Variants in MCAM observed in about 807,000 individuals in gnomAD.
MCAM encodes the protein cell surface glycoprotein MUC18.
Under a neutral mutation model 79.1 loss-of-function variants are expected in MCAM, and 55 were observed. The observed-to-expected ratio is 0.70, with a 90% CI of 0.56 to 0.87. MCAM has a LOEUF of 0.87. MCAM is among the 40% of genes least tolerant of loss of function. The probability of loss-of-function intolerance (pLI) is 0.00; values close to 1 mark genes in which losing one functional copy is unlikely to be tolerated. For missense variants in MCAM, 745 were observed against 839.8 expected (o/e 0.89, Z 1.40); for synonymous variants, 330 against 339.8 (o/e 0.97, Z 0.32).
intron 5 of MCAM, chr11:119,313,990 C>G (rs1950273502): frequency 1.0e-6 from 1 of 976,708 alleles, no homozygotes; most frequent in Non-Finnish European, 1.2e-6. Flanking sequence ...AAGAACACAC[C>G]CTGATAGCAG....
chr11:119,312,672 C>G lies in MCAM; in HGVS notation c.740-24G>C. 6.2e-7 allele frequency: 1 copy of G among 1,613,922 alleles called. No individual in the cohort carries two copies. The highest frequency in any genetic ancestry group is 8.5e-7 in the Non-Finnish European group (1 of 1,180,030). On this transcript the variant is annotated intron_variant, in intron 6 of 15. Coordinates refer to ENST00000264036, the MANE Select transcript of MCAM (RefSeq NM_006500.3). This position sits in a 1 kb window ranked among gnomAD's most constrained non-coding sequence, Gnocchi z 4.9. ...GTCTGCATAGGCAAAGGGGGTAGCT[C>G]TTGGCCCATGAGTCAACCCTGGGCT... is the stretch of plus-strand genomic sequence containing the variant.
rs761854688 is a variant in MCAM, at chr11:119,312,236, T to G, written c.1024+30A>C. ...CCAGTTCCCTATTGCCCCAGCCTGG[T>G]CCCCCTGTCCTGGGTCCCCAGCCCC... On this transcript the variant is annotated intron_variant, in intron 8 of 15. Transcript: ENST00000264036. The surrounding 1 kb of genome is among the most constrained non-coding windows in gnomAD (Gnocchi z 4.9). The G allele has an allele frequency of 6.2e-7, 1 of 1,612,764 alleles. No individual in the cohort carries two copies. Among genetic ancestry groups the G allele is most frequent in the Non-Finnish European group, 8.5e-7 (1 of 1,179,140 alleles).
Position 119,314,470 on chromosome 11 carries a change from G to A in MCAM, c.559+19C>T. ...CACACCTGGCCCAAGGGTGGCTTTT[G>A]GGAGAAAGGGCTACTCACGGTTCTT... On this transcript the variant is annotated intron_variant, in intron 5 of 15. Transcript: ENST00000264036. 1 of 1,609,810 alleles carries A rather than the reference G, an allele frequency of 6.2e-7. No individual in the cohort carries two copies. The highest frequency in any genetic ancestry group is 8.5e-7 in the Non-Finnish European group (1 of 1,176,538).
intron 13 of MCAM, 22 bp from the exon 14 acceptor site, chr11:119,310,925 C>T (rs371245535): frequency 1.5e-5 from 25 of 1,614,022 alleles, no homozygotes; most frequent in Admixed American, 8.3e-5. Context: ...AGACACTCCT[C>T]GTCACTCCCT....
Position 119,317,087 on chromosome 11 carries a change from C to T in MCAM, c.15G>A (p.Arg5=). The change falls in exon 1 of 16, where the codon AGG becomes AGA. Residue 5 remains arginine (R), a synonymous_variant. Transcript: ENST00000264036. This position sits in a 1 kb window ranked among gnomAD's most constrained non-coding sequence, Gnocchi z 6.2. ...CGGCGAGCAAGAAGGCGCAGACCAG[C>T]CTGGGAAGCCCCATGCTTCCCGGCC... is the stretch of plus-strand genomic sequence containing the variant. MGLP[R]LVCAFLLAAC... 3 of 1,531,288 alleles carry T rather than the reference C, an allele frequency of 2.0e-6. No homozygotes were observed. Among genetic ancestry groups the T allele is most frequent in the Non-Finnish European group, 2.6e-6 (3 of 1,142,994 alleles). The allele number at this position is 1,531,288 out of a possible 1,614,324, so 94.9% of individuals were successfully genotyped here.
rs1433373852 is a variant in MCAM at position 119,311,622 on chromosome 11, T to G, written c.1315A>C (p.Lys439Gln). Reference protein sequence around the residue: ...GPPWMAFKERKVWVKENMVLN... With the variant: ...GPPWMAFKERQVWVKENMVLN... ...ACCATATTCTCTTTCACCCACACCT[T>G]CCTCTCCTTGAATGCCATCCAAGGG... The change falls in exon 11 of 16, where the codon AAG becomes CAG. Residue 439 changes from lysine (K) to glutamine (Q), a missense_variant. Lys to Gln is a moderately conservative substitution (Grantham distance 53). Coordinates refer to ENST00000264036, the MANE Select transcript of MCAM (RefSeq NM_006500.3). The surrounding 1 kb of genome is among the most constrained non-coding windows in gnomAD (Gnocchi z 4.4). 10 of 1,613,956 alleles carry G rather than the reference T, an allele frequency of 6.2e-6. No individual in the cohort carries two copies. The African/African-American group carries it at 1.3e-4, about 22-fold the overall frequency.
At position 119,314,888 on chromosome 11, in the gene MCAM, C is replaced by G. The variant is rs1950287770; in HGVS notation, c.345G>C (p.Leu115Phe). The G allele has an allele frequency of 6.2e-7, 1 of 1,613,524 alleles. No individual in the cohort carries two copies. The change falls in exon 3 of 16, where the codon TTG (leucine) becomes TTC (phenylalanine). Residue 115 changes from leucine to phenylalanine, a missense_variant. Physicochemically the swap from Leu to Phe is conservative, Grantham distance 22. Transcript: ENST00000264036. ...GGGACCGAGGGCGCTTGCCCTGGCA[C>G]AAGAAGATGCGCTCGTCTTGGGGGG... ...QVTPQDERIF[L>F]CQGKRPRSQE...
chr11:119,313,735 G>A (rs1950269172), intron 5 of MCAM: 1 of 194,512 alleles, frequency 5.1e-6, no homozygotes. Context: ...TTTATTGTGG[G>A]GGCTGTCCTG....
In MCAM at chr11:119,312,105, T is replaced by C; in HGVS notation, c.1090A>G (p.Thr364Ala). ...TCCTGGCTACTCTCTGCCTCACAGG[T>C]CAGGGTGAGGCTGCTGCCTTCCTGT... is the stretch of plus-strand genomic sequence containing the variant. ...ERQEGSSLTL[T>A]CEAESSQDLE... The change falls in exon 9 of 16, where the codon ACC becomes GCC. Residue 364 changes from threonine to alanine, a missense_variant. Thr to Ala is a moderately conservative substitution (Grantham distance 58). Coordinates refer to ENST00000264036, the MANE Select transcript of MCAM (RefSeq NM_006500.3). The surrounding 1 kb of genome is among the most constrained non-coding windows in gnomAD (Gnocchi z 4.9). The C allele has an allele frequency of 6.2e-7, 1 of 1,612,660 alleles. No homozygotes were observed. Among genetic ancestry groups the C allele is most frequent in the Non-Finnish European group, 8.5e-7 (1 of 1,179,556 alleles).
rs1250487562 is a variant in MCAM at position 119,315,366 on chromosome 11, G to A, written c.68-103C>T. On this transcript the variant is annotated intron_variant, in intron 1 of 15. Coordinates refer to ENST00000264036, the MANE Select transcript of MCAM (RefSeq NM_006500.3). This position sits in a 1 kb window ranked among gnomAD's most constrained non-coding sequence, Gnocchi z 4.4. ...AGCTGTTTTTCCTGCCACTCAGAGG[G>A]TCTGCAGAGGGCCCTGTCCTCTGAA... The A allele has an allele frequency of 1.4e-6, 2 of 1,418,664 alleles. No homozygotes were observed. The highest frequency in any genetic ancestry group is 1.9e-6 in the Non-Finnish European group (2 of 1,054,890). The allele number at this position is 1,418,664 out of a possible 1,614,324, so 87.9% of individuals were successfully genotyped here.
Position 119,312,728 on chromosome 11 carries a change from C to T in MCAM, c.739+42G>A, listed in dbSNP as rs765344785. The T allele has an allele frequency of 6.2e-7, 1 of 1,612,740 alleles. No homozygotes were observed. Among genetic ancestry groups the T allele is most frequent in the Non-Finnish European group, 8.5e-7 (1 of 1,179,096 alleles). On this transcript the variant is annotated intron_variant, in intron 6 of 15. Coordinates refer to ENST00000264036, the MANE Select transcript of MCAM (RefSeq NM_006500.3). The surrounding 1 kb of genome is among the most constrained non-coding windows in gnomAD (Gnocchi z 4.9). ...AGGGGGAGCCAGCAGGAGTTTCCAGCAGCCCCAGCCCCAGTAAGCAGAGAG... is the reference window on the plus strand; with the variant it reads ...AGGGGGAGCCAGCAGGAGTTTCCAGTAGCCCCAGCCCCAGTAAGCAGAGAG...
In MCAM at chr11:119,312,486, T is replaced by C. The variant is rs969485989; in HGVS notation, c.861+41A>G. The C allele has an allele frequency of 6.2e-7, 1 of 1,613,988 alleles. No individual in the cohort carries two copies. The highest frequency in any genetic ancestry group is 1.1e-5 in the South Asian group (1 of 91,078). ...CCTCCCGCCACTCCACCTGGGTCTC[T>C]GCTTGCATCCCCACCTGCACCCAGC... is the stretch of plus-strand genomic sequence containing the variant. On this transcript the variant is annotated intron_variant, in intron 7 of 15. Coordinates refer to ENST00000264036, the MANE Select transcript of MCAM (RefSeq NM_006500.3). The surrounding 1 kb of genome is among the most constrained non-coding windows in gnomAD (Gnocchi z 4.9).
rs188623296 is a variant in MCAM at position 119,316,412 on chromosome 11, G to A, written c.67+623C>T. On this transcript the variant is annotated intron_variant, in intron 1 of 15. Coordinates refer to ENST00000264036, the MANE Select transcript of MCAM (RefSeq NM_006500.3). This position sits in a 1 kb window ranked among gnomAD's most constrained non-coding sequence, Gnocchi z 4.8. ...AATGTGGTCCCCAAAATAAGCCAGC[G>A]GGCGCTTCCAGTATGGGAATCCTCC... The A allele has an allele frequency of 6.6e-6, 1 of 152,386 alleles. No individual in the cohort carries two copies. Among genetic ancestry groups the A allele is most frequent in the Admixed American group, 6.5e-5 (1 of 15,306 alleles). The allele number at this position is 152,386 out of a possible 1,614,324, so 9.4% of individuals were successfully genotyped here. A position where few individuals can be genotyped will look rare whatever the true frequency, so the allele number is the denominator to read the frequency against.
At chr11:119,310,530 G>T in intron 14 of MCAM, 64 bp from the exon 15 acceptor site, 1 of 1,188,238 alleles carries the variant, frequency 8.4e-7, no homozygotes, top group Non-Finnish European at 1.3e-6. Flanking sequence ...AGGGCCCGCT[G>T]TGAAGGATGT....
At position 119,312,648 on chromosome 11, in the gene MCAM, TC is replaced by T. The variant is rs1565281200; in HGVS notation, c.740-1del. 6.2e-7 allele frequency: 1 copy of T among 1,613,940 alleles called. No homozygotes were observed. The highest frequency in any genetic ancestry group is 8.5e-7 in the Non-Finnish European group (1 of 1,180,026). ...TTCCAGCCACACTTTTTCTGTCGGG[TC>T]TGCATAGGCAAAGGGGGTAGCTCTT... is the stretch of plus-strand genomic sequence containing the variant. On this transcript the variant is annotated splice_acceptor_variant, in intron 6 of 15. Transcript: ENST00000264036. LOFTEE classifies it high-confidence loss of function. The surrounding 1 kb of genome is among the most constrained non-coding windows in gnomAD (Gnocchi z 4.9).
At chr11:119,310,523 G>T in intron 14 of MCAM, 57 bp from the exon 15 acceptor site, 1 of 1,231,730 alleles carries the variant, frequency 8.1e-7, no homozygotes, top group Non-Finnish European at 1.2e-6. Context: ...GAAGAGAAGG[G>T]CCCGCTGTGA....
In MCAM at chr11:119,317,127, A is replaced by C; in HGVS notation, c.-26T>G. On this transcript the variant is annotated 5_prime_UTR_variant, in exon 1 of 16. Transcript: ENST00000264036. The surrounding 1 kb of genome is among the most constrained non-coding windows in gnomAD (Gnocchi z 6.2). ...GCTTCCCGGCCGGAGGGCGAGAGCC[A>C]AGTGAGCAGCTCGAGGCTGCCGGGG... 2 of 1,510,622 alleles carry C rather than the reference A, an allele frequency of 1.3e-6. No homozygotes were observed. Among genetic ancestry groups the C allele is most frequent in the Non-Finnish European group, 1.8e-6 (2 of 1,132,846 alleles). 93.6% of individuals were successfully genotyped at this position (1,510,622 alleles called of 1,614,324 possible). A position where few individuals can be genotyped will look rare whatever the true frequency, so the allele number is the denominator to read the frequency against.
intron 3 of MCAM, 29 bp from the exon 4 acceptor site, chr11:119,314,778 T>A (rs768548586): frequency 3.1e-6 from 5 of 1,613,176 alleles, no homozygotes; most frequent in Non-Finnish European, 2.5e-6. Flanking sequence ...GAGGGGGACA[T>A]CTGGCCACGT....
Position 119,315,588 on chromosome 11 carries a change from T to A in MCAM, c.68-325A>T, listed in dbSNP as rs2135347153. The A allele has an allele frequency of 2.9e-6, 1 of 342,216 alleles. No individual in the cohort carries two copies. Among genetic ancestry groups the A allele is most frequent in the East Asian group, 5.9e-5 (1 of 16,968 alleles). 21.2% of individuals were successfully genotyped at this position (342,216 alleles called of 1,614,324 possible). On this transcript the variant is annotated intron_variant, in intron 1 of 15. Coordinates refer to ENST00000264036, the MANE Select transcript of MCAM (RefSeq NM_006500.3). This position sits in a 1 kb window ranked among gnomAD's most constrained non-coding sequence, Gnocchi z 4.4. Reference sequence around the variant, plus strand: ...AAGGCCCCTTTCCTTCCAGGCCCCCTCCTCTCCGGGTGAGCTCAGAGTGTG... The same window carrying A: ...AAGGCCCCTTTCCTTCCAGGCCCCCACCTCTCCGGGTGAGCTCAGAGTGTG...
Sources: gnomAD v4.1 joint callset for allele counts on GRCh38, gnomAD v4.1.1 for gene constraint, Gnocchi (gnomAD v3.1) non-coding constraint, MANE v1.5 for transcripts, NCBI Gene and HGNC (gene_info 2026-07-23, HGNC 2026-07-21) for gene names.